LRMDA: variants seen among roughly 807,000 people sequenced by gnomAD.
The protein encoded by LRMDA is leucine rich melanocyte differentiation associated.
A neutral mutation model predicts 29.8 loss-of-function variants in LRMDA; 18 were observed. That is an observed-to-expected ratio of 0.60 (90% CI 0.42 to 0.90). The LOEUF is 0.90. Ranked by LOEUF, LRMDA falls within the 40% of genes least tolerant of loss-of-function variation. The pLI is 0.00. For synonymous variants in LRMDA, 125 were observed against 109.4 expected (o/e 1.14, Z -0.89); for missense variants, 273 against 273.9 (o/e 1.00, Z 0.02).
intron 2 of LRMDA, among the ~76,000 whole-genome samples, chr10:75,962,843 A>G (rs1389465804): frequency 4.6e-5 from 7 of 152,144 alleles, no homozygotes; most frequent in Non-Finnish European, 2.9e-5. Flanking sequence ...GCTAAGCTTT[A>G]ACTTGTCCCC....
intron 5 of LRMDA, among the ~76,000 whole-genome samples, chr10:76,131,616 C>G (rs1335096957): frequency 1.3e-5 from 2 of 151,626 alleles, no homozygotes; most frequent in African/African-American, 2.4e-5. Context: ...CCCATATTCT[C>G]TATAACCCTG....
chr10:76,531,095 C>G (rs1843228765), intron 6 of LRMDA, among the ~76,000 whole-genome samples: 1 of 152,126 alleles, frequency 6.6e-6, no homozygotes, highest in South Asian at 2.1e-4. Flanking sequence ...AAATCCCCAC[C>G]CCTACCCCGC....
At chr10:75,806,410 G>GAAATTGTC (rs1167846095) in intron 2 of LRMDA, among the ~76,000 whole-genome samples, 1 of 152,180 alleles carries the variant, frequency 6.6e-6, no homozygotes, top group Admixed American at 6.5e-5. Flanking sequence ...GACTAGTTCT[G>GAAATTGTC]AAATTGTCAA....
chr10:76,374,591 T>C (rs542491618), intron 6 of LRMDA, among the ~76,000 whole-genome samples: 1 of 152,318 alleles, frequency 6.6e-6, no homozygotes, highest in East Asian at 1.9e-4. Flanking sequence ...CAGTTGAATA[T>C]AGCAGCCACT....
chr10:76,203,190 C>T (rs146755733), intron 5 of LRMDA, among the ~76,000 whole-genome samples: 260 of 152,316 alleles, frequency 1.7e-3, no homozygotes, highest in African/African-American at 6.1e-3. Flanking sequence ...TAGAATCTCA[C>T]AAGTTCTGCT....
intron 2 of LRMDA, among the ~76,000 whole-genome samples, chr10:75,662,316 C>T (rs1250172649): frequency 1.3e-5 from 2 of 152,124 alleles, no homozygotes; most frequent in Non-Finnish European, 2.9e-5. Context: ...TCTATCCCAT[C>T]TAAGGGAAGC....
At chr10:76,185,589 C>T (rs757157052) in intron 5 of LRMDA, among the ~76,000 whole-genome samples, 3 of 152,158 alleles carry the variant, frequency 2.0e-5, no homozygotes, top group African/African-American at 7.2e-5. Flanking sequence ...CTTCTATCAG[C>T]CATAGTGAAT....
chr10:75,786,165 A>T (rs1667088639), intron 2 of LRMDA, among the ~76,000 whole-genome samples: 2 of 152,218 alleles, frequency 1.3e-5, no homozygotes. Context: ...TTATGAGCAG[A>T]TGAGGCCTAG....
At chr10:76,346,029 G>A (rs1841104612) in intron 6 of LRMDA, among the ~76,000 whole-genome samples, 1 of 152,162 alleles carries the variant, frequency 6.6e-6, no homozygotes, top group South Asian at 2.1e-4. Context: ...TTTGTATGGT[G>A]TTGGCAGAAC....
intron 2 of LRMDA, among the ~76,000 whole-genome samples, chr10:75,791,101 T>C (rs1017273439): frequency 6.6e-6 from 1 of 152,200 alleles, no homozygotes; most frequent in African/African-American, 2.4e-5. Flanking sequence ...TTCCACAGTT[T>C]GGTGAGGCAC....
intron 2 of LRMDA, among the ~76,000 whole-genome samples, chr10:75,864,667 A>G (rs1299000135): frequency 1.3e-5 from 2 of 152,172 alleles, no homozygotes; most frequent in Admixed American, 6.5e-5. Flanking sequence ...TGCTTTTTAC[A>G]ATTTACAATT....
chr10:76,063,830 T>G (rs186275114), intron 5 of LRMDA, among the ~76,000 whole-genome samples: 2 of 152,222 alleles, frequency 1.3e-5, no homozygotes, highest in Non-Finnish European at 2.9e-5. Context: ...TGTGTCTGTG[T>G]TTTTAGGTTT....
chr10:76,315,910 C>A lies in LRMDA; in HGVS notation c.517-8491C>A, dbSNP rs1016964697. The stretch of plus-strand genomic sequence containing the variant: ...TGAGCCCATAGACACCCTCCCCACT[C>A]CAATGACCTGCCTGCAGAAAGGAGC... On this transcript the variant is annotated intron_variant, in intron 5 of 6. Coordinates refer to ENST00000611255, the MANE Select transcript of LRMDA (RefSeq NM_001305581.2). Among the ~76,000 whole-genome samples the A allele has an allele frequency of 3.9e-5, 6 of 152,276 alleles. No homozygotes were observed. In the East Asian group the frequency reaches 1.2e-3, roughly 30 times the overall value.
chr10:76,030,435 A>C (rs1245990383), intron 2 of LRMDA, among the ~76,000 whole-genome samples: 2 of 152,184 alleles, frequency 1.3e-5, no homozygotes, highest in Non-Finnish European at 2.9e-5. Flanking sequence ...TTATCCATAC[A>C]TTTAAGGATA....
At chr10:75,494,764 G>A (rs1167059166) in intron 2 of LRMDA, among the ~76,000 whole-genome samples, 1 of 152,162 alleles carries the variant, frequency 6.6e-6, no homozygotes, top group Non-Finnish European at 1.5e-5. Context: ...GCCTCCCAGA[G>A]TGCTAGGATT....
intron 6 of LRMDA, among the ~76,000 whole-genome samples, chr10:76,331,168 G>A (rs1375302832): frequency 1.3e-5 from 2 of 152,182 alleles, no homozygotes; most frequent in African/African-American, 4.8e-5. Context: ...CTACTTGGGA[G>A]GCAGAGACAG....
chr10:75,431,955 T>C (rs917212432), intron 1 of LRMDA, among the ~76,000 whole-genome samples: 8 of 152,186 alleles, frequency 5.3e-5, no homozygotes, highest in African/African-American at 1.7e-4. Flanking sequence ...ACCCCCTTGA[T>C]GTGCGGGAAG....
At chr10:76,455,214 T>C (rs963185121) in intron 6 of LRMDA, among the ~76,000 whole-genome samples, 1 of 152,150 alleles carries the variant, frequency 6.6e-6, no homozygotes, top group Admixed American at 6.5e-5. Flanking sequence ...AGAAAGAAAG[T>C]GTGGGATGGT....
At chr10:75,883,669 T>G (rs1407873194) in intron 2 of LRMDA, 2 of 152,040 alleles carry the variant, frequency 1.3e-5, no homozygotes, top group Non-Finnish European at 2.9e-5. Flanking sequence ...GTGTTGACAT[T>G]TACAAGGTAT....
Sources: gnomAD v4.1 joint callset for allele counts (sites outside exome capture counted in the v4.1 genomes callset) on GRCh38, gnomAD v4.1.1 for gene constraint, MANE v1.5 for transcripts, NCBI Gene and HGNC (gene_info 2026-07-23, HGNC 2026-07-21) for gene names.